Variants in XXYLT1 observed in about 807,000 individuals in gnomAD.
The protein encoded by XXYLT1 is UDP-xylose:alpha-xyloside alpha-1,3-xylosyltransferase.
In XXYLT1, 20 loss-of-function variants were observed where a neutral mutation model predicts 28.9. The ratio of observed to expected loss-of-function variants is 0.69; its 90% CI spans 0.49 to 1.00. The LOEUF is 1.00. XXYLT1 is among the 50% of genes least tolerant of loss of function. XXYLT1 has a pLI of 0.00. For synonymous variants in XXYLT1, 257 were observed against 253.8 expected (o/e 1.01, Z -0.12); for missense variants, 542 against 560.1 (o/e 0.97, Z 0.33).
In XXYLT1 at chr3:195,256,440, CAG is replaced by C. The variant is rs1014137253; in HGVS notation, c.504+14113_504+14114del. 1.0e-6 allele frequency: 1 copy of C among 977,612 alleles called. No individual in the cohort carries two copies. The highest frequency in any genetic ancestry group is 1.8e-5 in the African/African-American group (1 of 57,090). 60.6% of individuals were successfully genotyped at this position (977,612 alleles called of 1,614,324 possible). On this transcript the variant is annotated intron_variant, in intron 1 of 3. Transcript: ENST00000310380. The surrounding 1 kb of genome is among the most constrained non-coding windows in gnomAD (Gnocchi z 4.2). ...GCCTGAGGTGCGGCCCTGCACAGGGCAGGGCCCGAGAAACGAACCAGTACCTC... is the reference window on the plus strand; with the variant it reads ...GCCTGAGGTGCGGCCCTGCACAGGGCGGCCCGAGAAACGAACCAGTACCTC...
intron 2 of XXYLT1, among the ~76,000 whole-genome samples, chr3:195,186,646 G>A (rs547186255): frequency 1.3e-5 from 2 of 151,162 alleles, no homozygotes; most frequent in Admixed American, 6.6e-5. Flanking sequence ...TCCCCCACTC[G>A]GGCAGCACCT....
chr3:195,220,155 ACAGAGT>A (rs1017728209), intron 2 of XXYLT1, among the ~76,000 whole-genome samples: 1 of 152,080 alleles, frequency 6.6e-6, no homozygotes, highest in African/African-American at 2.4e-5. Flanking sequence ...GTTGTTTGAG[ACAGAGT>A]CTCACTCTAT....
chr3:195,151,792 C>G (rs1239888549), intron 3 of XXYLT1, among the ~76,000 whole-genome samples: 1 of 150,670 alleles, frequency 6.6e-6, no homozygotes, highest in Non-Finnish European at 1.5e-5. Flanking sequence ...AAATGGCAAC[C>G]CTATATGCCT....
intron 3 of XXYLT1, among the ~76,000 whole-genome samples, chr3:195,137,732 G>C (rs1719274456): frequency 6.6e-6 from 1 of 152,232 alleles, no homozygotes; most frequent in Admixed American, 6.5e-5. Flanking sequence ...AGAGGGCTCT[G>C]ATGGAGCTGC....
In XXYLT1 at chr3:195,069,703, C is replaced by T. The variant is rs1190279964; in HGVS notation, c.*12G>A. On this transcript the variant is annotated 3_prime_UTR_variant, in exon 4 of 4. Transcript: ENST00000310380. Reference sequence around the variant, plus strand: ...AGATCTGGAGGCCCCGGGGGCAAGGCACGGGGAGCGCCTAGTCCTCCGGGA... The same window carrying T: ...AGATCTGGAGGCCCCGGGGGCAAGGTACGGGGAGCGCCTAGTCCTCCGGGA... 2 of 1,602,574 alleles carry T rather than the reference C, an allele frequency of 1.2e-6. No homozygotes were observed. The highest frequency in any genetic ancestry group is 1.7e-6 in the Non-Finnish European group (2 of 1,175,252).
chr3:195,076,841 C>T lies in XXYLT1; in HGVS notation c.786-6730G>A, dbSNP rs756492930. On this transcript the variant is annotated intron_variant, in intron 3 of 3. Coordinates refer to ENST00000310380, the MANE Select transcript of XXYLT1 (RefSeq NM_152531.5). The surrounding 1 kb of genome is among the most constrained non-coding windows in gnomAD (Gnocchi z 5.3). ...TCCACATTGCCCCTTTCTATCAAGACGCCAGCCATAAGGATCCGGGCCTGC... is the reference window on the plus strand; with the variant it reads ...TCCACATTGCCCCTTTCTATCAAGATGCCAGCCATAAGGATCCGGGCCTGC... 5.3e-5 allele frequency among the ~76,000 whole-genome samples: 8 copies of T among 152,190 alleles called. No homozygotes were observed. The highest frequency in any genetic ancestry group is 3.3e-4 in the Admixed American group (5 of 15,274).
chr3:195,069,730 G>A lies in XXYLT1; in HGVS notation c.1167C>T (p.Pro389=). The A allele has an allele frequency of 4.3e-6, 7 of 1,613,094 alleles. No homozygotes were observed. Among genetic ancestry groups the A allele is most frequent in the Non-Finnish European group, 5.9e-6 (7 of 1,179,788 alleles). ...CGGGGAGCGCCTAGTCCTCCGGGAT[G>A]GGAGTGTTGCAGTTCCCGTGGTAGA... ...VKIYHGNCNT[P]IPED Residue 389 remains proline (P), a synonymous_variant, in exon 4 of 4, where the codon CCC becomes CCT. Transcript: ENST00000310380.
intron 2 of XXYLT1, among the ~76,000 whole-genome samples, chr3:195,192,590 G>A (rs1403931647): frequency 6.6e-6 from 1 of 152,122 alleles, no homozygotes; most frequent in African/African-American, 2.4e-5. Flanking sequence ...GCTAAGTGAA[G>A]ATTTATCCCA....
intron 3 of XXYLT1, among the ~76,000 whole-genome samples, chr3:195,091,186 C>G (rs1716112304): frequency 7.2e-6 from 1 of 138,308 alleles, no homozygotes; most frequent in Admixed American, 7.2e-5. Context: ...ATGAGGCCAG[C>G]ATCATTCTGA....
At chr3:195,089,514 C>A (rs928760097) in intron 3 of XXYLT1, among the ~76,000 whole-genome samples, 59 of 152,118 alleles carry the variant, frequency 3.9e-4, no homozygotes, top group African/African-American at 1.3e-3. Flanking sequence ...CCTAAAAGAG[C>A]TCCTGAAGGA....
intron 3 of XXYLT1, among the ~76,000 whole-genome samples, chr3:195,102,271 C>T (rs1050376384): frequency 1.3e-5 from 2 of 152,176 alleles, no homozygotes; most frequent in Non-Finnish European, 2.9e-5. Context: ...CATTGTTACT[C>T]ATCTTTGTGT....
chr3:195,171,229 G>A (rs1484331903), intron 2 of XXYLT1, among the ~76,000 whole-genome samples: 1 of 152,248 alleles, frequency 6.6e-6, no homozygotes, highest in African/African-American at 2.4e-5. Context: ...GGCAGGAGAT[G>A]CCACAGGCAA....
At chr3:195,126,409 C>A (rs1446584308) in intron 3 of XXYLT1, among the ~76,000 whole-genome samples, 2 of 152,330 alleles carry the variant, frequency 1.3e-5, no homozygotes, top group Middle Eastern at 3.4e-3. Flanking sequence ...TTCATTCACT[C>A]ATTTACAGTA....
At chr3:195,177,335 A>C (rs1399930279) in intron 2 of XXYLT1, among the ~76,000 whole-genome samples, 1 of 152,142 alleles carries the variant, frequency 6.6e-6, no homozygotes, top group Non-Finnish European at 1.5e-5. Context: ...GAGGACCTCA[A>C]TTTCAAGATG....
At chr3:195,074,480 C>T (rs1174186635) in intron 3 of XXYLT1, among the ~76,000 whole-genome samples, 1 of 152,128 alleles carries the variant, frequency 6.6e-6, no homozygotes, top group Non-Finnish European at 1.5e-5. Flanking sequence ...CCAATGAGCT[C>T]GTTTGGCGTG....
In XXYLT1 at chr3:195,184,797, T is replaced by C. The variant is rs1378203160; in HGVS notation, c.653-28216A>G. ...ATTCTGAAAGAAGTGACTACTTCAA[T>C]TAGGAAAAAAATCTGAAGTTCCCTT... On this transcript the variant is annotated intron_variant, in intron 2 of 3. Coordinates refer to ENST00000310380, the MANE Select transcript of XXYLT1 (RefSeq NM_152531.5). 3 of 985,298 alleles carry C rather than the reference T, an allele frequency of 3.0e-6. No homozygotes were observed. The African/African-American group carries it at 5.2e-5, about 17-fold the overall frequency. The allele number at this position is 985,298 out of a possible 1,614,324, so 61.0% of individuals were successfully genotyped here.
chr3:195,156,626 G>A, intron 2 of XXYLT1, 45 bp from the exon 3 acceptor site: 1 of 1,603,386 alleles, frequency 6.2e-7, no homozygotes. Flanking sequence ...TACACCTCCT[G>A]GGAGGCTCGG....
At chr3:195,112,422 ACACATGCACACACACG>A (rs1450587529) in intron 3 of XXYLT1, among the ~76,000 whole-genome samples, 2 of 114,362 alleles carry the variant, frequency 1.7e-5, no homozygotes, top group Non-Finnish European at 4.2e-5. Context: ...GCGCACACAC[ACACATGCACACACACG>A]CACGCACACC....
At chr3:195,144,567 G>A (rs1410785411) in intron 3 of XXYLT1, among the ~76,000 whole-genome samples, 3 of 151,868 alleles carry the variant, frequency 2.0e-5, no homozygotes, top group African/African-American at 7.3e-5. Flanking sequence ...TAGTAGGGAC[G>A]GGGTTTCACC....
Sources: allele counts gnomAD v4.1 joint callset (sites outside exome capture counted in the v4.1 genomes callset), GRCh38; gene constraint gnomAD v4.1.1; non-coding constraint Gnocchi (gnomAD v3.1); transcripts MANE v1.5; gene names NCBI Gene and HGNC (gene_info 2026-07-23, HGNC 2026-07-21).